The following ST7L variants were observed in gnomAD, a reference collection of about 807,000 sequenced individuals.
The protein encoded by ST7L is suppression of tumorigenicity 7 like, also known as suppressor of tumorigenicity 7 protein-like.
ST7L carries 57 observed loss-of-function variants against 72.5 expected under a neutral mutation model. That is an observed-to-expected ratio of 0.79 (90% confidence interval 0.64 to 0.98). The LOEUF (loss-of-function observed/expected upper bound fraction) is 0.98, where lower values mean the gene tolerates loss of function less well. Among genes scored for constraint, ST7L ranks in the 50% least tolerant of loss-of-function variants. The pLI, the probability that ST7L is intolerant of heterozygous loss-of-function variation, is 0.00. For synonymous variants in ST7L, 221 were observed against 240.9 expected, an observed-to-expected ratio of 0.92 and a Z score of 0.77; for missense variants, 576 against 672.2, an observed-to-expected ratio of 0.86 and a Z score of 1.58.
In ST7L at chr1:112,583,958, T is replaced by C. The variant is rs765192508; in HGVS notation, c.856+14A>G. On this transcript the variant is annotated intron_variant, in intron 7 of 14. Transcript: ENST00000358039. ...ATGCTAAAAGACAGTAATAACCAGT[T>C]CAAACTTGCTTACTCAGTTGAGCTT... 2 of 1,611,394 alleles carry C rather than the reference T, an allele frequency of 1.2e-6. No homozygotes were observed. Among genetic ancestry groups the C allele is most frequent in the African/African-American group, 2.7e-5 (2 of 74,804 alleles).
chr1:112,611,966 T>C (rs1669128395), intron 2 of ST7L, among the ~76,000 whole-genome samples: 1 of 83,318 alleles, frequency 1.2e-5, no homozygotes. Context: ...TGAGACCCTG[T>C]CTCAAAAAAA....
At chr1:112,549,535 T>C (rs1421776546) in intron 13 of ST7L, among the ~76,000 whole-genome samples, 1 of 152,180 alleles carries the variant, frequency 6.6e-6, no homozygotes, top group African/African-American at 2.4e-5. Context: ...TATTCCTAAG[T>C]AGTTTTTGTT....
Position 112,551,138 on chromosome 1 carries a change from C to CTTTTTT in ST7L, c.1397-451_1397-446dup, listed in dbSNP as rs567601091. ...TCACCAAAGCTTTCTATGAGCAGAT[C>CTTTTTT]TTTTTTTTTTTTTTTTTTTTTTTTT... On this transcript the variant is annotated intron_variant, in intron 12 of 14. Transcript: ENST00000358039. Among the ~76,000 whole-genome samples, 91 of 77,224 alleles carry CTTTTTT rather than the reference C, an allele frequency of 1.2e-3. 14 individuals are homozygous for CTTTTTT. Among genetic ancestry groups the CTTTTTT allele is most frequent in the African/African-American group, 5.4e-3 (86 of 15,784 alleles). The allele number at this position is 77,224 out of a possible 152,430, so 50.7% of individuals were successfully genotyped here. A position where few individuals can be genotyped will look rare whatever the true frequency, so the allele number is the denominator to read the frequency against.
At chr1:112,537,490 A>G (rs1460791808) in intron 14 of ST7L, among the ~76,000 whole-genome samples, 1 of 152,222 alleles carries the variant, frequency 6.6e-6, no homozygotes, top group Non-Finnish European at 1.5e-5. Flanking sequence ...TAAAGGGGCC[A>G]GAGTAGAAGA....
intron 6 of ST7L, among the ~76,000 whole-genome samples, chr1:112,588,493 G>A (rs1665192059): frequency 6.6e-6 from 1 of 152,150 alleles, no homozygotes; most frequent in African/African-American, 2.4e-5. Flanking sequence ...ATAAAATGGT[G>A]TTAGATTTTG....
At chr1:112,568,861 AATATATAT>A (rs377429784) in intron 11 of ST7L, among the ~76,000 whole-genome samples, 26,975 of 114,818 alleles carry the variant, frequency 0.23, 3,080 homozygotes, top group Non-Finnish European at 0.28. Flanking sequence ...TATAAATATA[AATATATAT>A]ATATATATAT....
At chr1:112,600,942 G>C (rs1249633395) in intron 3 of ST7L, 94 bp from the exon 4 acceptor site, 20 of 1,040,728 alleles carry the variant, frequency 1.9e-5, no homozygotes, top group Non-Finnish European at 2.7e-5. Context: ...GCTAATCACA[G>C]TGCTAGCCAC....
chr1:112,576,187 C>A (rs1663077140), intron 11 of ST7L, among the ~76,000 whole-genome samples: 1 of 152,068 alleles, frequency 6.6e-6, no homozygotes, highest in Non-Finnish European at 1.5e-5. Context: ...ACCTCCTGGA[C>A]TCAAGCAATC....
intron 14 of ST7L, chr1:112,539,646 A>T (rs1313480627): frequency 1.1e-6 from 1 of 895,692 alleles, no homozygotes; most frequent in East Asian, 1.2e-4. Flanking sequence ...ACAGAGCGAG[A>T]CTCTGTTTCA....
At chr1:112,615,120 C>G (rs1669662314) in intron 2 of ST7L, among the ~76,000 whole-genome samples, 1 of 152,088 alleles carries the variant, frequency 6.6e-6, no homozygotes, top group South Asian at 2.1e-4. Flanking sequence ...CCACCTTGGC[C>G]TCTCCAGTAG....
chr1:112,570,693 A>C (rs1661960064), intron 11 of ST7L: 1 of 452,170 alleles, frequency 2.2e-6, no homozygotes, highest in African/African-American at 2.0e-5. Flanking sequence ...TCCAGCTGAC[A>C]GTCAGGAATA....
chr1:112,614,631 T>C (rs1669578236), intron 2 of ST7L, among the ~76,000 whole-genome samples: 1 of 152,030 alleles, frequency 6.6e-6, no homozygotes, highest in African/African-American at 2.4e-5. Context: ...CTACTACAGC[T>C]GGAGAGCACC....
chr1:112,527,509 T>G (rs1162676587), intron 14 of ST7L: 4 of 152,816 alleles, frequency 2.6e-5, no homozygotes, highest in African/African-American at 9.6e-5. Context: ...GGGATAAAAG[T>G]ACGAGGTCAT....
chr1:112,571,508 C>A (rs1394255798), intron 11 of ST7L, among the ~76,000 whole-genome samples: 1 of 152,176 alleles, frequency 6.6e-6, no homozygotes, highest in Non-Finnish European at 1.5e-5. Context: ...CTCACTGCAA[C>A]CTCCACCTCC....
Position 112,540,348 on chromosome 1 carries a change from A to G in ST7L, c.1629+1603T>C, listed in dbSNP as rs114182013. The G allele has an allele frequency of 3.0e-4, 300 of 985,432 alleles. 1 individual carries two copies. In the African/African-American group the frequency reaches 5.0e-3, roughly 16 times the overall value. The allele number at this position is 985,432 out of a possible 1,614,324, so 61.0% of individuals were successfully genotyped here. On this transcript the variant is annotated intron_variant, in intron 14 of 14. Transcript: ENST00000358039. ...GGAATTCTCTTTCTAGGCCATTTTTATTCGATGCCAGATTACATAGTAAGG... is the reference window on the plus strand; with the variant it reads ...GGAATTCTCTTTCTAGGCCATTTTTGTTCGATGCCAGATTACATAGTAAGG...
In ST7L at chr1:112,600,857, C is replaced by A. The variant is rs1394593412; in HGVS notation, c.452-9G>T. On this transcript the variant is annotated splice_polypyrimidine_tract_variant and intron_variant, in intron 3 of 14. Transcript: ENST00000358039. ...TCTCCATACCTTACATTCTGAAAAACAAGGGAGAAAAAGGGGGAAAAAGAG... is the reference window on the plus strand; with the variant it reads ...TCTCCATACCTTACATTCTGAAAAAAAAGGGAGAAAAAGGGGGAAAAAGAG... The A allele has an allele frequency of 6.2e-7, 1 of 1,604,740 alleles. No homozygotes were observed. Among genetic ancestry groups the A allele is most frequent in the Admixed American group, 1.7e-5 (1 of 58,736 alleles).
downstream of ST7L, among the ~76,000 whole-genome samples, chr1:112,520,110 ATTCC>A (rs1323161089): frequency 6.6e-6 from 1 of 152,046 alleles, no homozygotes; most frequent in African/African-American, 2.4e-5. Flanking sequence ...GGACTCAAGG[ATTCC>A]TTCTGCCTTG....
rs567431031 is a variant in ST7L, at chr1:112,616,881, T to A, written c.220A>T (p.Asn74Tyr). The A allele has an allele frequency of 2.5e-6, 4 of 1,605,266 alleles. No individual in the cohort carries two copies. The South Asian group carries it at 4.5e-5, about 18-fold the overall frequency. ...ACATAGAATTTGGGTGTCAATGAAT[T>A]TAAAAATACAGTCACTGTCAAAAGA... ...ENLAAVTVFLNSLTPKFYVAL... is the reference protein window; with the variant it reads ...ENLAAVTVFLYSLTPKFYVAL... The change falls in exon 2 of 15, where the codon AAT becomes TAT. Residue 74 changes from asparagine to tyrosine, a missense_variant. Coordinates refer to ENST00000358039, the MANE Select transcript of ST7L (RefSeq NM_017744.5).
At chr1:112,597,843 A>G (rs1666707558) in intron 5 of ST7L, 128 bp downstream of exon 5, 1 of 499,198 alleles carries the variant, frequency 2.0e-6, no homozygotes, top group Non-Finnish European at 3.3e-6. Flanking sequence ...TGAGTTTGTT[A>G]TCAATAATAT....
Sources: gnomAD v4.1 joint callset for allele counts (sites outside exome capture counted in the v4.1 genomes callset) on GRCh38, gnomAD v4.1.1 for gene constraint, MANE v1.5 for transcripts, NCBI Gene and HGNC (gene_info 2026-07-23, HGNC 2026-07-21) for gene names.